Variants in DSCAML1 observed in about 807,000 individuals in gnomAD.
DSCAML1 encodes cell adhesion molecule DSCAML1.
Under a neutral mutation model 200.5 loss-of-function variants are expected in DSCAML1, and 38 were observed. That is an observed-to-expected ratio of 0.19 (90% CI 0.15 to 0.25). The LOEUF (loss-of-function observed/expected upper bound fraction) is 0.25. DSCAML1 is among the 10% of genes least tolerant of loss of function. The pLI is 1.00. For missense variants in DSCAML1, 2,223 were observed against 2,858.8 expected, an observed-to-expected ratio of 0.78 and a Z score of 5.07; for synonymous variants, 1,215 against 1,165.0, an observed-to-expected ratio of 1.04 and a Z score of -0.87.
At chr11:117,664,943 G>A (rs1464306710) in intron 3 of DSCAML1, among the ~76,000 whole-genome samples, 1 of 152,124 alleles carries the variant, frequency 6.6e-6, no homozygotes, top group Non-Finnish European at 1.5e-5. Flanking sequence ...AAACACTGTG[G>A]TCTGCCTGCT....
At chr11:117,744,547 T>C (rs747446309) in intron 3 of DSCAML1, among the ~76,000 whole-genome samples, 2 of 152,226 alleles carry the variant, frequency 1.3e-5, no homozygotes, top group Non-Finnish European at 2.9e-5. Flanking sequence ...GAAGGGACTT[T>C]AGCGGTCCCT....
At chr11:117,755,399 G>A (rs1481666396) in intron 3 of DSCAML1, among the ~76,000 whole-genome samples, 1 of 152,172 alleles carries the variant, frequency 6.6e-6, no homozygotes, top group Non-Finnish European at 1.5e-5. Context: ...GATAACGCTT[G>A]TGAAATAATT....
intron 3 of DSCAML1, among the ~76,000 whole-genome samples, chr11:117,764,482 A>G (rs959555962): frequency 6.6e-6 from 1 of 152,262 alleles, no homozygotes; most frequent in Admixed American, 6.5e-5. Flanking sequence ...ATCACTGTCT[A>G]CATAACACAG....
intron 3 of DSCAML1, among the ~76,000 whole-genome samples, chr11:117,542,936 G>T (rs2050299749): frequency 6.6e-6 from 1 of 152,212 alleles, no homozygotes; most frequent in Non-Finnish European, 1.5e-5. Context: ...CATGCTGGGG[G>T]TGCTTTGGCT....
intron 3 of DSCAML1, among the ~76,000 whole-genome samples, chr11:117,630,207 C>T (rs1354509617): frequency 6.6e-6 from 1 of 151,744 alleles, no homozygotes; most frequent in Non-Finnish European, 1.5e-5. Flanking sequence ...CTTCTTCTTT[C>T]GTACAGTTCC....
At position 117,516,841 on chromosome 11, in the gene DSCAML1, G is replaced by C. The variant is rs1439286867; in HGVS notation, c.1511-102C>G. ...CCTGCGGTGCTCTTCTCAGGCACTC[G>C]GCCCCTGAGACTTTCGGGGGCGGAC... On this transcript the variant is annotated intron_variant, in intron 7 of 32. Transcript: ENST00000651296. The surrounding 1 kb of genome is among the most constrained non-coding windows in gnomAD (Gnocchi z 5.7). 3 of 1,409,390 alleles carry C rather than the reference G, an allele frequency of 2.1e-6. No individual in the cohort carries two copies. Among genetic ancestry groups the C allele is most frequent in the Non-Finnish European group, 2.8e-6 (3 of 1,053,026 alleles). The allele number at this position is 1,409,390 out of a possible 1,614,324, so 87.3% of individuals were successfully genotyped here. A position where few individuals can be genotyped will look rare whatever the true frequency, so the allele number is the denominator to read the frequency against.
intron 3 of DSCAML1, among the ~76,000 whole-genome samples, chr11:117,592,454 G>C (rs936535915): frequency 6.6e-6 from 1 of 152,088 alleles, no homozygotes; most frequent in African/African-American, 2.4e-5. Flanking sequence ...GAAGCCCCCT[G>C]AGGGCTGGCT....
At chr11:117,445,454 A>C (rs2048158540) in intron 20 of DSCAML1, among the ~76,000 whole-genome samples, 1 of 152,178 alleles carries the variant, frequency 6.6e-6, no homozygotes, top group South Asian at 2.1e-4. Flanking sequence ...GGGGTAGTGT[A>C]GTGGCTTCAA....
At chr11:117,449,047 A>G (rs951139803) in intron 20 of DSCAML1, among the ~76,000 whole-genome samples, 1 of 152,256 alleles carries the variant, frequency 6.6e-6, no homozygotes, top group Non-Finnish European at 1.5e-5. Context: ...TGAATGAGCT[A>G]TAACCACATA....
At chr11:117,601,041 A>G (rs2051455366) in intron 3 of DSCAML1, among the ~76,000 whole-genome samples, 1 of 152,256 alleles carries the variant, frequency 6.6e-6, no homozygotes, top group Middle Eastern at 3.4e-3. Flanking sequence ...TTATCCCTTG[A>G]AAAGTATTAA....
chr11:117,542,350 CAACAAA>C lies in DSCAML1; in HGVS notation c.512-9834_512-9829del, dbSNP rs759047115. Among the ~76,000 whole-genome samples the C allele has an allele frequency of 6.0e-5, 9 of 151,054 alleles. 1 individual carries two copies. Among genetic ancestry groups the C allele is most frequent in the Non-Finnish European group, 7.4e-5 (5 of 67,940 alleles). On this transcript the variant is annotated intron_variant, in intron 3 of 32. Transcript: ENST00000651296. Reference sequence around the variant, plus strand: ...AACACAAAAACAACAACAACAACAACAACAAAAAAAAAACAGTGCAGGCGATGTAGT... The same window carrying C: ...AACACAAAAACAACAACAACAACAACAAAAAAACAGTGCAGGCGATGTAGT...
intron 3 of DSCAML1, among the ~76,000 whole-genome samples, chr11:117,553,478 TGAATA>T: frequency 6.6e-6 from 1 of 152,156 alleles, no homozygotes; most frequent in Admixed American, 6.5e-5. Flanking sequence ...TCAAACGACT[TGAATA>T]GACAGTTCCC....
At chr11:117,465,293 C>T in intron 16 of DSCAML1, 111 bp from the exon 17 acceptor site, 1 of 1,436,062 alleles carries the variant, frequency 7.0e-7, no homozygotes, top group Admixed American at 2.1e-5. Flanking sequence ...TTCAAAGGCT[C>T]CCATCTCACT....
chr11:117,721,155 C>G (rs752434427), intron 3 of DSCAML1, among the ~76,000 whole-genome samples: 3 of 152,206 alleles, frequency 2.0e-5, no homozygotes, highest in African/African-American at 7.2e-5. Context: ...ATCACAATAA[C>G]AGCTACCATG....
rs1217393854 is a variant in DSCAML1, at chr11:117,745,900, C to T, written c.511+30891G>A. On this transcript the variant is annotated intron_variant, in intron 3 of 32. Transcript: ENST00000651296. ...TTTGAGGATTAAGTGAATTAATTAA[C>T]TTAGGTAAGGTGCTTAGAACAGTTC... Among the ~76,000 whole-genome samples, 4 of 152,120 alleles carry T rather than the reference C, an allele frequency of 2.6e-5. No homozygotes were observed. The East Asian group carries it at 7.7e-4, about 29-fold the overall frequency.
intron 4 of DSCAML1, among the ~76,000 whole-genome samples, chr11:117,528,626 G>T (rs1187744302): frequency 6.6e-6 from 1 of 152,168 alleles, no homozygotes; most frequent in African/African-American, 2.4e-5. Flanking sequence ...GGTGGTTAGG[G>T]CACCACCAGG....
intron 11 of DSCAML1, among the ~76,000 whole-genome samples, chr11:117,502,960 C>T (rs535018368): frequency 2.6e-5 from 4 of 152,232 alleles, no homozygotes; most frequent in Admixed American, 1.3e-4. Context: ...CCGGGTCAGA[C>T]GCTAACACTC....
intron 3 of DSCAML1, among the ~76,000 whole-genome samples, chr11:117,572,724 C>T (rs1286026126): frequency 6.6e-6 from 1 of 152,190 alleles, no homozygotes; most frequent in East Asian, 1.9e-4. Context: ...TGAGTGAAGG[C>T]AAATGAGTCC....
intron 3 of DSCAML1, among the ~76,000 whole-genome samples, chr11:117,659,197 T>C (rs2052793709): frequency 6.6e-6 from 1 of 152,064 alleles, no homozygotes; most frequent in African/African-American, 2.4e-5. Context: ...TCTTTTGTGC[T>C]TAATTTATTT....
Sources: gnomAD v4.1 joint callset for allele counts (sites outside exome capture counted in the v4.1 genomes callset) on GRCh38, gnomAD v4.1.1 for gene constraint, Gnocchi (gnomAD v3.1) non-coding constraint, MANE v1.5 for transcripts, NCBI Gene and HGNC (gene_info 2026-07-23, HGNC 2026-07-21) for gene names.